The following CDC73 variants were observed in gnomAD, a reference collection of about 807,000 sequenced individuals.
CDC73 encodes the protein cell division cycle 73.
In CDC73, 21 loss-of-function variants were observed where a neutral mutation model predicts 83.7. The ratio of observed to expected loss-of-function variants is 0.25; its 90% CI spans 0.18 to 0.36. The LOEUF (loss-of-function observed/expected upper bound fraction) is 0.36, where lower values mean the gene tolerates loss of function less well. Ranked by LOEUF, CDC73 falls within the 10% of genes least tolerant of loss-of-function variation. CDC73 has a pLI of 1.00. For missense variants in CDC73, 342 were observed against 653.3 expected, an observed-to-expected ratio of 0.52 and a Z score of 5.19; for synonymous variants, 224 against 212.9, an observed-to-expected ratio of 1.05 and a Z score of -0.45.
intron 10 of CDC73, among the ~76,000 whole-genome samples, chr1:193,184,940 G>A (rs146507574): frequency 7.9e-5 from 12 of 152,008 alleles, no homozygotes; most frequent in African/African-American, 2.6e-4. Flanking sequence ...GAAAAATCAG[G>A]ATCTTTGATA....
chr1:193,210,829 C>T (rs945935188), intron 11 of CDC73, among the ~76,000 whole-genome samples: 4 of 152,016 alleles, frequency 2.6e-5, no homozygotes. Context: ...TGACTGATTA[C>T]CTGTAATGCT....
At chr1:193,192,702 A>C (rs1676939380) in intron 10 of CDC73, among the ~76,000 whole-genome samples, 1 of 152,208 alleles carries the variant, frequency 6.6e-6, no homozygotes, top group Non-Finnish European at 1.5e-5. Flanking sequence ...GTGAAAGAGC[A>C]GGGGGCCACT....
At chr1:193,218,420 A>G (rs1428930248) in intron 13 of CDC73, among the ~76,000 whole-genome samples, 1 of 152,226 alleles carries the variant, frequency 6.6e-6, no homozygotes, top group Non-Finnish European at 1.5e-5. Context: ...AAACTATTCT[A>G]AAATCCATAT....
intron 10 of CDC73, among the ~76,000 whole-genome samples, chr1:193,190,425 G>A (rs550254087): frequency 2.0e-4 from 30 of 152,304 alleles, no homozygotes; most frequent in African/African-American, 7.2e-4. Context: ...GAAGTCAAAT[G>A]TTTATTAAAA....
At chr1:193,217,247 T>C (rs1173448613) in intron 13 of CDC73, among the ~76,000 whole-genome samples, 2 of 152,046 alleles carry the variant, frequency 1.3e-5, no homozygotes, top group African/African-American at 4.8e-5. Context: ...GAAGCCCCAG[T>C]GGACGTGTGT....
intron 15 of CDC73, among the ~76,000 whole-genome samples, chr1:193,240,120 T>C (rs1677833389): frequency 1.3e-5 from 2 of 152,198 alleles, no homozygotes; most frequent in Non-Finnish European, 2.9e-5. Flanking sequence ...AAAATTTGTC[T>C]TTCTGTGCCT....
chr1:193,171,437 A>G (rs1016550800), intron 10 of CDC73, among the ~76,000 whole-genome samples: 1 of 152,192 alleles, frequency 6.6e-6, no homozygotes, highest in Non-Finnish European at 1.5e-5. Flanking sequence ...CCCACTTCCA[A>G]GTTCCTTCGG....
intron 6 of CDC73, among the ~76,000 whole-genome samples, chr1:193,138,396 T>A (rs979680894): frequency 1.1e-4 from 17 of 152,356 alleles, no homozygotes; most frequent in Admixed American, 7.8e-4. Context: ...GGTCTTTCTT[T>A]TTAAAAATTG....
At chr1:193,153,807 A>C (rs1004383820) in intron 10 of CDC73, among the ~76,000 whole-genome samples, 1 of 152,210 alleles carries the variant, frequency 6.6e-6, no homozygotes, top group South Asian at 2.1e-4. Context: ...CTGGTCATAC[A>C]GCTGTGAATA....
At chr1:193,169,752 C>T (rs1030935077) in intron 10 of CDC73, among the ~76,000 whole-genome samples, 1 of 151,890 alleles carries the variant, frequency 6.6e-6, no homozygotes, top group African/African-American at 2.4e-5. Context: ...AAAATAAAAT[C>T]CTGACAAATA....
intron 10 of CDC73, among the ~76,000 whole-genome samples, chr1:193,163,475 C>G (rs948059833): frequency 3.3e-5 from 5 of 151,978 alleles, no homozygotes; most frequent in Non-Finnish European, 5.9e-5. Flanking sequence ...CCACCACACT[C>G]CAGCGTGGGC....
At chr1:193,202,640 G>A (rs1199830852) in intron 10 of CDC73, among the ~76,000 whole-genome samples, 2 of 139,176 alleles carry the variant, frequency 1.4e-5, no homozygotes, top group South Asian at 2.2e-4. Context: ...TTCCTTCTTG[G>A]AGTTTTTGCT....
intron 10 of CDC73, among the ~76,000 whole-genome samples, chr1:193,195,817 A>G (rs759920345): frequency 2.6e-5 from 4 of 152,154 alleles, no homozygotes; most frequent in Non-Finnish European, 5.9e-5. Flanking sequence ...AGAAATACCT[A>G]TTCAAATCCT....
intron 13 of CDC73, among the ~76,000 whole-genome samples, chr1:193,228,614 T>C (rs1572212620): frequency 6.6e-6 from 1 of 152,276 alleles, no homozygotes; most frequent in Non-Finnish European, 1.5e-5. Context: ...ATTGGATAAA[T>C]ATATGGGTGG....
At chr1:193,122,788 C>T (rs2103112215) in intron 1 of CDC73, among the ~76,000 whole-genome samples, 1 of 152,088 alleles carries the variant, frequency 6.6e-6, no homozygotes, top group Admixed American at 6.5e-5. Context: ...ATTTCATCTC[C>T]TTTCATTGTT....
chr1:193,203,511 T>C (rs1274239177), intron 10 of CDC73, among the ~76,000 whole-genome samples: 1 of 152,224 alleles, frequency 6.6e-6, no homozygotes, highest in Non-Finnish European at 1.5e-5. Flanking sequence ...AGCAAATCAT[T>C]TAAAAATATT....
At chr1:193,242,447 C>T (rs1179805940) in intron 15 of CDC73, among the ~76,000 whole-genome samples, 1 of 152,182 alleles carries the variant, frequency 6.6e-6, no homozygotes, top group African/African-American at 2.4e-5. Context: ...TCCTTCCTTG[C>T]CTTAGGTGTT....
chr1:193,123,638 G>A (rs1047943056), intron 1 of CDC73, among the ~76,000 whole-genome samples: 1 of 151,960 alleles, frequency 6.6e-6, no homozygotes, highest in Non-Finnish European at 1.5e-5. Context: ...AATTTGCATA[G>A]GTAGAATTAC....
At chr1:193,144,521 C>G (rs1412912338) in intron 7 of CDC73, among the ~76,000 whole-genome samples, 1 of 152,126 alleles carries the variant, frequency 6.6e-6, no homozygotes, top group Non-Finnish European at 1.5e-5. Context: ...GGTACACAAT[C>G]AATGGTTGGT....
Sources: allele counts gnomAD v4.1 joint callset (sites outside exome capture counted in the v4.1 genomes callset), GRCh38; gene constraint gnomAD v4.1.1; transcripts MANE v1.5; gene names NCBI Gene and HGNC (gene_info 2026-07-23, HGNC 2026-07-21).